Variants in OPA3 observed in about 807,000 individuals in gnomAD.
OPA3 encodes the protein outer mitochondrial membrane lipid metabolism regulator OPA3.
A neutral mutation model predicts 4.0 loss-of-function variants in OPA3; 6 were observed. That is an observed-to-expected ratio of 1.51 (90% CI 0.83 to 2.99). The LOEUF is 2.99. Among genes scored for constraint, OPA3 ranks in the 30% most tolerant of loss-of-function variants. The pLI is 0.00. For missense variants in OPA3, 235 were observed against 256.2 expected (o/e 0.92, Z 0.56); for synonymous variants, 105 against 117.1 (o/e 0.90, Z 0.67).
In OPA3 at chr19:45,550,050, T is replaced by C. The variant is rs1234944509; in HGVS notation, c.*3464A>G. The C allele has an allele frequency of 4.2e-6, 2 of 480,458 alleles. No homozygotes were observed. The highest frequency in any genetic ancestry group is 8.9e-5 in the South Asian group (1 of 11,210). 29.8% of individuals were successfully genotyped at this position (480,458 alleles called of 1,614,324 possible). A position where few individuals can be genotyped will look rare whatever the true frequency, so the allele number is the denominator to read the frequency against. On this transcript the variant is annotated 3_prime_UTR_variant, in exon 2 of 2. Coordinates refer to ENST00000263275, the MANE Select transcript of OPA3 (RefSeq NM_025136.4). ...GTGGGCACATGTAATCCCAGCTACT[T>C]CGGAAGCTGAGGCAGGATCATTGGT...
intron 1 of OPA3, among the ~76,000 whole-genome samples, chr19:45,580,035 C>T (rs557884266): frequency 1.4e-5 from 2 of 142,184 alleles, no homozygotes; most frequent in African/African-American, 2.6e-5. Context: ...CTCGCTCTGT[C>T]ACCCAGGCTG....
chr19:45,571,477 C>T (rs1969666057), intron 1 of OPA3, among the ~76,000 whole-genome samples: 1 of 152,136 alleles, frequency 6.6e-6, no homozygotes, highest in Admixed American at 6.6e-5. Context: ...TATGTGTACA[C>T]ACGTGCATAC....
chr19:45,553,047 A>G lies in OPA3; in HGVS notation c.*467T>C. The G allele has an allele frequency of 9.7e-7, 1 of 1,026,122 alleles. No homozygotes were observed. Among genetic ancestry groups the G allele is most frequent in the Non-Finnish European group, 1.2e-6 (1 of 854,516 alleles). 63.6% of individuals were successfully genotyped at this position (1,026,122 alleles called of 1,614,324 possible). A position where few individuals can be genotyped will look rare whatever the true frequency, so the allele number is the denominator to read the frequency against. ...CTGACCTTAGAAGGTGAGGGGGAGAAAAGGCCACTGCAACACACTGCATTT... is the reference window on the plus strand; with the variant it reads ...CTGACCTTAGAAGGTGAGGGGGAGAGAAGGCCACTGCAACACACTGCATTT... On this transcript the variant is annotated 3_prime_UTR_variant, in exon 2 of 2. Transcript: ENST00000263275.
At chr19:45,537,424 A>G (rs1969133781) in intron 1 of OPA3, among the ~76,000 whole-genome samples, 1 of 142,942 alleles carries the variant, frequency 7.0e-6, no homozygotes, top group Non-Finnish European at 1.5e-5. Context: ...AAAAAAAAAC[A>G]AGAAAAGAAC....
rs373580645 is a variant in OPA3, at chr19:45,550,156, GAAAGA to G, written c.*3353_*3357del. 136 of 964,928 alleles carry G rather than the reference GAAAGA, an allele frequency of 1.4e-4. No individual in the cohort carries two copies. The East Asian group carries it at 0.011, about 78-fold the overall frequency. The allele number at this position is 964,928 out of a possible 1,614,324, so 59.8% of individuals were successfully genotyped here. On this transcript the variant is annotated 3_prime_UTR_variant, in exon 2 of 2. Transcript: ENST00000263275. ...AGGGTGACGGAGCTAGACTGTCTCC[GAAAGA>G]AAAGAAAAGAAAAAAGAAGAGAAAA...
intron 1 of OPA3, among the ~76,000 whole-genome samples, chr19:45,537,466 G>A (rs956308298): frequency 6.7e-5 from 10 of 150,198 alleles, no homozygotes; most frequent in African/African-American, 2.2e-4. Flanking sequence ...AGCAAGAGAG[G>A]GAAAAGGCAA....
At chr19:45,572,680 CTATA>C (rs999346307) in intron 1 of OPA3, among the ~76,000 whole-genome samples, 12 of 118,326 alleles carry the variant, frequency 1.0e-4, no homozygotes, top group Admixed American at 8.3e-4. Context: ...AGATATATAT[CTATA>C]TATATCATAC....
downstream of OPA3, among the ~76,000 whole-genome samples, chr19:45,545,176 A>C (rs898745346): frequency 8.8e-5 from 13 of 148,300 alleles, no homozygotes; most frequent in Admixed American, 2.0e-4. Context: ...AAAAAAAAAA[A>C]AACAAAAAAA....
At position 45,548,414 on chromosome 19, in the gene OPA3, T is replaced by C. The variant is rs1969282173; in HGVS notation, c.*5100A>G. The C allele has an allele frequency of 8.1e-6, 8 of 985,424 alleles. No homozygotes were observed. Among genetic ancestry groups the C allele is most frequent in the Non-Finnish European group, 9.6e-6 (8 of 830,028 alleles). 61.0% of individuals were successfully genotyped at this position (985,424 alleles called of 1,614,324 possible). The stretch of plus-strand genomic sequence containing the variant: ...GCCCTCAGGGCACCTCCCAGGGTTT[T>C]GTGAGCTGGGATGAATGGGTTTATA... On this transcript the variant is annotated 3_prime_UTR_variant, in exon 2 of 2. Transcript: ENST00000263275.
rs1969276817 is a variant in OPA3 at position 45,548,024 on chromosome 19, T to C, written c.*5490A>G. Reference sequence around the variant, plus strand: ...TCTTTCCTTCTTTATTGCCGGTCTCTGGCACTAGAATGTCAGCTCCAGTGA... The same window carrying C: ...TCTTTCCTTCTTTATTGCCGGTCTCCGGCACTAGAATGTCAGCTCCAGTGA... On this transcript the variant is annotated 3_prime_UTR_variant, in exon 2 of 2. Coordinates refer to ENST00000263275, the MANE Select transcript of OPA3 (RefSeq NM_025136.4). 4.2e-6 allele frequency: 3 copies of C among 711,216 alleles called. No individual in the cohort carries two copies. Among genetic ancestry groups the C allele is most frequent in the Non-Finnish European group, 5.2e-6 (3 of 579,488 alleles). 44.1% of individuals were successfully genotyped at this position (711,216 alleles called of 1,614,324 possible).
intron 1 of OPA3, among the ~76,000 whole-genome samples, chr19:45,559,397 C>CTTTTTTTTTTTTTTTTTTTTTTTTTTTTT (rs71338781): frequency 1.7e-5 from 1 of 59,910 alleles, no homozygotes; most frequent in Non-Finnish European, 3.0e-5. Flanking sequence ...CTTTTTCTTT[C>CTTTTTTTTTTTTTTTTTTTTTTTTTTTTT]TTTTTTTTTT....
chr19:45,579,531 T>A (rs1969815591), intron 1 of OPA3, among the ~76,000 whole-genome samples: 1 of 152,054 alleles, frequency 6.6e-6, no homozygotes, highest in East Asian at 1.9e-4. Flanking sequence ...AACTATTTAT[T>A]TCATTTATTG....
At chr19:45,574,411 A>AG (rs994168834) in intron 1 of OPA3, among the ~76,000 whole-genome samples, 3 of 151,570 alleles carry the variant, frequency 2.0e-5, no homozygotes, top group Non-Finnish European at 2.9e-5. Context: ...AAAAAAAAAA[A>AG]AAAGAAAAAA....
intron 1 of OPA3, 150 bp downstream of exon 1, chr19:45,584,473 G>A (rs564075556): frequency 6.9e-7 from 1 of 1,438,920 alleles, no homozygotes; most frequent in Non-Finnish European, 9.2e-7. Flanking sequence ...CCACCCGTAC[G>A]CCCCTCTATC....
intron 1 of OPA3, among the ~76,000 whole-genome samples, chr19:45,533,941 A>G (rs1232363764): frequency 6.6e-6 from 1 of 152,252 alleles, no homozygotes; most frequent in Non-Finnish European, 1.5e-5. Context: ...TTCTAGTATC[A>G]GTTTGTCAGT....
In OPA3 at chr19:45,563,951, A is replaced by G. The variant is rs1969543112; in HGVS notation, c.143-10040T>C. ...GCAATCGGCCTGTCTTGGCCTCCCA[A>G]AGTGCTGGGATTACCGGTGTGCACC... On this transcript the variant is annotated intron_variant, in intron 1 of 1. Coordinates refer to ENST00000263275, the MANE Select transcript of OPA3 (RefSeq NM_025136.4). Among the ~76,000 whole-genome samples, 5 of 151,872 alleles carry G rather than the reference A, an allele frequency of 3.3e-5. No individual in the cohort carries two copies. The South Asian group carries it at 1.0e-3, about 32-fold the overall frequency.
chr19:45,555,263 G>A (rs1231121612), intron 1 of OPA3, among the ~76,000 whole-genome samples: 1 of 152,118 alleles, frequency 6.6e-6, no homozygotes, highest in Non-Finnish European at 1.5e-5. Context: ...GTGGGTATGT[G>A]GACTGTAAAT....
intron 1 of OPA3, among the ~76,000 whole-genome samples, chr19:45,581,857 G>A (rs1367402642): frequency 6.6e-6 from 1 of 152,182 alleles, no homozygotes; most frequent in African/African-American, 2.4e-5. Context: ...GGAGGGCAGT[G>A]GTGCAATCTC....
In OPA3 at chr19:45,553,479, G is replaced by A; in HGVS notation, c.*35C>T. On this transcript the variant is annotated 3_prime_UTR_variant, in exon 2 of 2. Transcript: ENST00000263275. ...GAAGAAGGCCACGTTAGGTACATAG[G>A]CCATGTCCAAATTCAGGTTCCATCC... 3.7e-6 allele frequency: 6 copies of A among 1,611,032 alleles called. No homozygotes were observed. Among genetic ancestry groups the A allele is most frequent in the Non-Finnish European group, 5.1e-6 (6 of 1,179,970 alleles).
Sources: gnomAD v4.1 joint callset for allele counts (sites outside exome capture counted in the v4.1 genomes callset) on GRCh38, gnomAD v4.1.1 for gene constraint, MANE v1.5 for transcripts, NCBI Gene and HGNC (gene_info 2026-07-23, HGNC 2026-07-21) for gene names.